RBMS3: variants seen among roughly 807,000 people sequenced by gnomAD.
RBMS3 encodes RNA-binding motif, single-stranded-interacting protein 3.
RBMS3 carries 27 observed loss-of-function variants against 66.8 expected under a neutral mutation model. The observed-to-expected ratio is 0.40, with a 90% CI of 0.30 to 0.56. RBMS3 has a LOEUF of 0.56. RBMS3 is among the 20% of genes least tolerant of loss of function. RBMS3 has a pLI of 0.40. For synonymous variants in RBMS3, 188 were observed against 183.0 expected (o/e 1.03, Z -0.22); for missense variants, 513 against 549.5 (o/e 0.93, Z 0.66).
Position 29,394,523 on chromosome 3 carries a change from A to G in RBMS3, c.76-40220A>G, listed in dbSNP as rs554058601. On this transcript the variant is annotated intron_variant, in intron 1 of 14. Transcript: ENST00000383767. The stretch of plus-strand genomic sequence containing the variant: ...GGAAGTTATAAGAGTATTGATTGAG[A>G]AAGTGATAAATGTCCATGAAATCTT... 3.3e-5 allele frequency among the ~76,000 whole-genome samples: 5 copies of G among 152,350 alleles called. No homozygotes were observed. The East Asian group carries it at 9.6e-4, about 29-fold the overall frequency.
At chr3:29,678,249 G>T (rs2051334808) in intron 4 of RBMS3, among the ~76,000 whole-genome samples, 1 of 151,956 alleles carries the variant, frequency 6.6e-6, no homozygotes, top group Non-Finnish European at 1.5e-5. Context: ...AAGAAGAGAA[G>T]GGATTTCAAA....
intron 1 of RBMS3, among the ~76,000 whole-genome samples, chr3:29,429,308 G>T (rs1425265720): frequency 6.6e-6 from 1 of 152,138 alleles, no homozygotes; most frequent in Non-Finnish European, 1.5e-5. Flanking sequence ...ACTATTTTAG[G>T]AATAGCATGT....
intron 2 of RBMS3, among the ~76,000 whole-genome samples, chr3:29,437,691 T>A (rs756023632): frequency 7.2e-5 from 11 of 152,236 alleles, no homozygotes; most frequent in Non-Finnish European, 1.2e-4. Flanking sequence ...CTAAGAGATC[T>A]GTCTTTCAAT....
chr3:29,965,605 T>C (rs1696783675), intron 12 of RBMS3, among the ~76,000 whole-genome samples: 1 of 152,138 alleles, frequency 6.6e-6, no homozygotes. Flanking sequence ...TTTGTCTGAG[T>C]TAACTGTAGA....
intron 3 of RBMS3, among the ~76,000 whole-genome samples, chr3:29,522,742 A>G (rs1246354298): frequency 2.6e-5 from 4 of 152,058 alleles, no homozygotes; most frequent in African/African-American, 9.7e-5. Context: ...AATACTACCC[A>G]TTGGCCAATC....
intron 3 of RBMS3, among the ~76,000 whole-genome samples, chr3:29,542,404 A>T (rs1215592725): frequency 6.6e-6 from 1 of 152,124 alleles, no homozygotes; most frequent in Non-Finnish European, 1.5e-5. Flanking sequence ...CCAGTCGCCT[A>T]GGCTGGAGTA....
chr3:29,508,901 G>A (rs541831053), intron 3 of RBMS3, among the ~76,000 whole-genome samples: 22 of 137,084 alleles, frequency 1.6e-4, no homozygotes, highest in African/African-American at 5.2e-4. Flanking sequence ...TCTAACTGGC[G>A]CGAGATGGTA....
At chr3:29,772,935 A>G (rs2056272831) in intron 6 of RBMS3, among the ~76,000 whole-genome samples, 1 of 152,076 alleles carries the variant, frequency 6.6e-6, no homozygotes, top group South Asian at 2.1e-4. Context: ...TATATCTTAG[A>G]GCACATTGTT....
intron 6 of RBMS3, among the ~76,000 whole-genome samples, chr3:29,843,617 T>A (rs563723047): frequency 1.3e-5 from 2 of 152,304 alleles, no homozygotes; most frequent in African/African-American, 2.4e-5. Context: ...GAAAATGAAC[T>A]GTATCTGCTA....
chr3:29,777,094 G>A (rs1479330039), intron 6 of RBMS3, among the ~76,000 whole-genome samples: 1 of 151,600 alleles, frequency 6.6e-6, no homozygotes, highest in African/African-American at 2.4e-5. Context: ...TAGTTCCCAG[G>A]GCCTGCATTC....
intron 1 of RBMS3, among the ~76,000 whole-genome samples, chr3:29,325,524 G>T (rs1041262539): frequency 6.6e-6 from 1 of 151,602 alleles, no homozygotes; most frequent in African/African-American, 2.4e-5. Flanking sequence ...ATGTGTGTGT[G>T]TGTATGTATG....
intron 4 of RBMS3, among the ~76,000 whole-genome samples, chr3:29,613,437 TC>T (rs2048559287): frequency 6.6e-6 from 1 of 152,264 alleles, no homozygotes; most frequent in East Asian, 1.9e-4. Flanking sequence ...CACACAATTT[TC>T]CTATAGCCAG....
rs989498663 is a variant in RBMS3 at position 29,730,913 on chromosome 3, T to C, written c.400-8807T>C. The C allele has an allele frequency of 1.4e-5, 14 of 985,228 alleles. No individual in the cohort carries two copies. The African/African-American group carries it at 2.1e-4, about 15-fold the overall frequency. The allele number at this position is 985,228 out of a possible 1,614,324, so 61.0% of individuals were successfully genotyped here. A position where few individuals can be genotyped will look rare whatever the true frequency, so the allele number is the denominator to read the frequency against. ...GGAGAAACCATCACATCAGGGCTGATAACTGGTGATACTGAGCTCAAGTTC... is the reference window on the plus strand; with the variant it reads ...GGAGAAACCATCACATCAGGGCTGACAACTGGTGATACTGAGCTCAAGTTC... On this transcript the variant is annotated intron_variant, in intron 4 of 14. Transcript: ENST00000383767.
chr3:29,810,841 A>G (rs2057709928), intron 6 of RBMS3, among the ~76,000 whole-genome samples: 1 of 152,170 alleles, frequency 6.6e-6, no homozygotes, highest in South Asian at 2.1e-4. Flanking sequence ...TTTACAACAT[A>G]CTAATATTGA....
intron 12 of RBMS3, among the ~76,000 whole-genome samples, chr3:29,973,604 T>C (rs1200346777): frequency 6.6e-6 from 1 of 151,958 alleles, no homozygotes; most frequent in Non-Finnish European, 1.5e-5. Context: ...ATGTTCCTAG[T>C]AAGTGAATTA....
chr3:29,342,368 G>T (rs910812205), intron 1 of RBMS3, among the ~76,000 whole-genome samples: 2 of 152,094 alleles, frequency 1.3e-5, no homozygotes, highest in African/African-American at 2.4e-5. Context: ...TAATTAGTTT[G>T]ATTATATTTT....
At chr3:29,392,902 GA>G (rs5847566) in intron 1 of RBMS3, among the ~76,000 whole-genome samples, 8,839 of 144,600 alleles carry the variant, frequency 0.061, 309 homozygotes, top group Non-Finnish European at 0.077. Flanking sequence ...AGTGTCTACA[GA>G]AAAAAAAAAA....
At chr3:29,769,659 G>A (rs894046691) in intron 6 of RBMS3, among the ~76,000 whole-genome samples, 11 of 151,694 alleles carry the variant, frequency 7.3e-5, no homozygotes, top group African/African-American at 2.7e-4. Context: ...CCAAACCAGA[G>A]TATTTTTCAT....
intron 3 of RBMS3, among the ~76,000 whole-genome samples, chr3:29,529,936 T>C (rs1395449016): frequency 6.6e-6 from 1 of 152,168 alleles, no homozygotes; most frequent in Non-Finnish European, 1.5e-5. Flanking sequence ...TACTACAGGA[T>C]AGACAGAGAA....
Sources: gnomAD v4.1 joint callset for allele counts (sites outside exome capture counted in the v4.1 genomes callset) on GRCh38, gnomAD v4.1.1 for gene constraint, MANE v1.5 for transcripts, NCBI Gene and HGNC (gene_info 2026-07-23, HGNC 2026-07-21) for gene names.